EPHA8: variants seen among roughly 807,000 people sequenced by gnomAD.
EPHA8 encodes the protein ephrin type-A receptor 8.
In EPHA8, 58 loss-of-function variants were observed where a neutral mutation model predicts 103.6. The ratio of observed to expected loss-of-function variants is 0.56; its 90% CI spans 0.45 to 0.70. The LOEUF (loss-of-function observed/expected upper bound fraction) is 0.70, where lower values mean the gene tolerates loss of function less well. Ranked by LOEUF, EPHA8 falls within the 30% of genes least tolerant of loss-of-function variation. EPHA8 has a pLI of 0.00. For synonymous variants in EPHA8, 559 were observed against 572.5 expected (o/e 0.98, Z 0.34); for missense variants, 1,304 against 1,395.2 (o/e 0.93, Z 1.04).
Position 22,597,152 on chromosome 1 carries a change from C to G in EPHA8, c.1766-160C>G, listed in dbSNP as rs1641539769. Among the ~76,000 whole-genome samples, 1 of 152,270 alleles carries G rather than the reference C, an allele frequency of 6.6e-6. No individual in the cohort carries two copies. The highest frequency in any genetic ancestry group is 2.4e-5 in the African/African-American group (1 of 41,540). On this transcript the variant is annotated intron_variant, in intron 9 of 16. Coordinates refer to ENST00000166244, the MANE Select transcript of EPHA8 (RefSeq NM_020526.5). The surrounding 1 kb of genome is among the most constrained non-coding windows in gnomAD (Gnocchi z 4.6). ...AGAGCGACTCCAGAGACCCCACTTT[C>G]ACTTGGGAAATACTTATGGGGTGCG... is the stretch of plus-strand genomic sequence containing the variant.
Position 22,589,143 on chromosome 1 carries a change from G to GT in EPHA8, c.1253dup (p.Ser419ValfsTer56). ...CTTCTGGATCGAGGCCGTCAATGGC[G>GT]TGTCCGACCTGAGCCCCGAGCCCCG... On this transcript the variant is annotated frameshift_variant, in exon 5 of 17. Transcript: ENST00000166244. LOFTEE classifies it high-confidence loss of function. The surrounding 1 kb of genome is among the most constrained non-coding windows in gnomAD (Gnocchi z 4.3). The GT allele has an allele frequency of 6.2e-7, 1 of 1,613,852 alleles. No individual in the cohort carries two copies. Among genetic ancestry groups the GT allele is most frequent in the Non-Finnish European group, 8.5e-7 (1 of 1,179,982 alleles).
At chr1:22,601,547 G>A in intron 16 of EPHA8, 74 bp downstream of exon 16, 2 of 1,598,022 alleles carry the variant, frequency 1.3e-6, no homozygotes, top group Non-Finnish European at 1.7e-6. Flanking sequence ...GAGGCTACAG[G>A]TCCAGATCCA....
intron 3 of EPHA8, among the ~76,000 whole-genome samples, chr1:22,577,995 ACACCTGTGTGTGCAT>A (rs1640788212): frequency 0.01 from 1 of 98 alleles, no homozygotes; most frequent in Non-Finnish European, 0.019. Flanking sequence ...GTGTGCATGT[ACACCTGTGTGTGCAT>A]GTGTATGTGT....
intron 16 of EPHA8, 43 bp downstream of exon 16, chr1:22,601,516 G>GT (rs1557586446): frequency 2.0e-6 from 2 of 985,392 alleles, no homozygotes; most frequent in African/African-American, 3.9e-5. Flanking sequence ...TGTGGGGGCA[G>GT]GGGGGGGGAC....
rs142397424 is a variant in EPHA8 at position 22,589,160 on chromosome 1, C to A, written c.1269C>A (p.Pro423=). ...EAVNGVSDLS[P]EPRRAAVVNI... ...TCAATGGCGTGTCCGACCTGAGCCC[C>A]GAGCCCCGCCGGGCCGCTGTGGTCA... Residue 423 remains proline (P), a synonymous_variant, in exon 5 of 17, where the codon CCC becomes CCA. Coordinates refer to ENST00000166244, the MANE Select transcript of EPHA8 (RefSeq NM_020526.5). The surrounding 1 kb of genome is among the most constrained non-coding windows in gnomAD (Gnocchi z 4.3). 6.2e-7 allele frequency: 1 copy of A among 1,613,822 alleles called. No homozygotes were observed. Among genetic ancestry groups the A allele is most frequent in the Non-Finnish European group, 8.5e-7 (1 of 1,179,964 alleles).
At chr1:22,579,347 A>G (rs1020031239) in intron 3 of EPHA8, among the ~76,000 whole-genome samples, 1 of 133,636 alleles carries the variant, frequency 7.5e-6, no homozygotes, top group African/African-American at 3.3e-5. Flanking sequence ...GCATGAGTGT[A>G]TGTATGCGTG....
At position 22,598,609 on chromosome 1, in the gene EPHA8, ATGGGTAAG is replaced by A. The variant is rs1417512815; in HGVS notation, c.2179-228_2179-221del. Among the ~76,000 whole-genome samples, 2 of 152,108 alleles carry A rather than the reference ATGGGTAAG, an allele frequency of 1.3e-5. No homozygotes were observed. The highest frequency in any genetic ancestry group is 4.8e-5 in the African/African-American group (2 of 41,428). On this transcript the variant is annotated intron_variant, in intron 12 of 16. Coordinates refer to ENST00000166244, the MANE Select transcript of EPHA8 (RefSeq NM_020526.5). The surrounding 1 kb of genome is among the most constrained non-coding windows in gnomAD (Gnocchi z 5.1). The stretch of plus-strand genomic sequence containing the variant: ...GGGCCTCCATCTCTCGTTCCACAAA[ATGGGTAAG>A]CAGTCATTGCTGCCCCACGTACCTC...
intron 1 of EPHA8, among the ~76,000 whole-genome samples, chr1:22,566,372 A>G (rs2124505902): frequency 6.6e-6 from 1 of 152,352 alleles, no homozygotes; most frequent in African/African-American, 2.4e-5. Context: ...GCGAAATGGA[A>G]TGGGGGAAGG....
chr1:22,579,608 G>A (rs1375133042), intron 3 of EPHA8, among the ~76,000 whole-genome samples: 1 of 152,186 alleles, frequency 6.6e-6, no homozygotes, highest in African/African-American at 2.4e-5. Context: ...GCTGTTCCTG[G>A]TCTTGGCCAG....
rs187814118 is a variant in EPHA8 at position 22,576,595 on chromosome 1, G to T, written c.538G>T (p.Gly180Cys). 1 of 1,614,048 alleles carries T rather than the reference G, an allele frequency of 6.2e-7. No homozygotes were observed. Among genetic ancestry groups the T allele is most frequent in the African/African-American group, 1.3e-5 (1 of 75,034 alleles). Residue 180 changes from glycine to cysteine, a missense_variant, in exon 3 of 17, where the codon GGC becomes TGC. Coordinates refer to ENST00000166244, the MANE Select transcript of EPHA8 (RefSeq NM_020526.5). This position sits in a 1 kb window ranked among gnomAD's most constrained non-coding sequence, Gnocchi z 4.8. The stretch of plus-strand genomic sequence containing the variant: ...CAGTGTGGGTCCCCTCAGCAAGCGC[G>T]GCTTCTACCTGGCCTTCCAGGACAT... ...VRSVGPLSKR[G>C]FYLAFQDIGA...
chr1:22,577,671 G>A (rs1260739487), intron 3 of EPHA8, among the ~76,000 whole-genome samples: 4 of 152,132 alleles, frequency 2.6e-5, no homozygotes, highest in African/African-American at 9.7e-5. Context: ...CCATGACTTA[G>A]GGTGGCAGCT....
Position 22,598,788 on chromosome 1 carries a change from C to T in EPHA8, c.2179-50C>T. The stretch of plus-strand genomic sequence containing the variant: ...GATGGGAGGTGTTCCTGTTCACGGA[C>T]CAGGCGCCTCGCCGGGCTTTCCTGA... On this transcript the variant is annotated intron_variant, in intron 12 of 16. Transcript: ENST00000166244. The surrounding 1 kb of genome is among the most constrained non-coding windows in gnomAD (Gnocchi z 5.1). The T allele has an allele frequency of 6.3e-7, 1 of 1,583,416 alleles. No homozygotes were observed. The highest frequency in any genetic ancestry group is 8.6e-7 in the Non-Finnish European group (1 of 1,159,556).
Position 22,569,235 on chromosome 1 carries a change from G to A in EPHA8, c.95-54G>A. On this transcript the variant is annotated intron_variant, in intron 1 of 16. Coordinates refer to ENST00000166244, the MANE Select transcript of EPHA8 (RefSeq NM_020526.5). The surrounding 1 kb of genome is among the most constrained non-coding windows in gnomAD (Gnocchi z 4.5). ...TGTAGCTGGGTCAGGCTGCTCTTGA[G>A]GAGCTGGGGAGAAGTCAGAGGGGCC... 6.3e-7 allele frequency: 1 copy of A among 1,594,796 alleles called. No homozygotes were observed. The highest frequency in any genetic ancestry group is 8.6e-7 in the Non-Finnish European group (1 of 1,163,530).
chr1:22,595,222 C>A lies in EPHA8; in HGVS notation c.1604-8C>A. On this transcript the variant is annotated splice_polypyrimidine_tract_variant and splice_region_variant and intron_variant, in intron 7 of 16. Transcript: ENST00000166244. The stretch of plus-strand genomic sequence containing the variant: ...GCCTGGTCCCCCAACCCTGGCTTTC[C>A]CCTGCAGGGCCCCGCTATGACACCA... 1 of 1,604,628 alleles carries A rather than the reference C, an allele frequency of 6.2e-7. No individual in the cohort carries two copies. Among genetic ancestry groups the A allele is most frequent in the Non-Finnish European group, 8.5e-7 (1 of 1,173,364 alleles).
At chr1:22,575,489 T>G (rs1640659993) in intron 2 of EPHA8, among the ~76,000 whole-genome samples, 1 of 152,228 alleles carries the variant, frequency 6.6e-6, no homozygotes, top group South Asian at 2.1e-4. Context: ...TTCTGGATAT[T>G]AATCCCTTAT....
chr1:22,601,119 C>G (rs752226774), intron 15 of EPHA8, 31 bp downstream of exon 15: 52 of 1,581,646 alleles, frequency 3.3e-5, no homozygotes, highest in Non-Finnish European at 4.4e-5. Context: ...CTCCTTGAGG[C>G]CCAGCTGCCT....
At chr1:22,580,480 A>G (rs899483500) in intron 3 of EPHA8, among the ~76,000 whole-genome samples, 4 of 151,778 alleles carry the variant, frequency 2.6e-5, no homozygotes, top group Non-Finnish European at 5.9e-5. Context: ...CACATCCCCA[A>G]TTTCTATGAG....
In EPHA8 at chr1:22,597,819, G is replaced by T. The variant is rs763837839; in HGVS notation, c.2074G>T (p.Asp692Tyr). The change falls in exon 11 of 17, where the codon GAC becomes TAC. Residue 692 changes from aspartate (D) to tyrosine (Y), a missense_variant. By Grantham distance (160) the Asp-to-Tyr change is radical. Transcript: ENST00000166244. The surrounding 1 kb of genome is among the most constrained non-coding windows in gnomAD (Gnocchi z 4.6). ...LSEASIMGQF[D>Y]HPNIIRLEGV... is the part of the protein sequence containing the mutation. ...CGAGGCGTCCATCATGGGGCAATTC[G>T]ACCATCCCAACATCATCCGCCTCGA... 6.2e-7 allele frequency: 1 copy of T among 1,612,990 alleles called. No homozygotes were observed.
At position 22,597,855 on chromosome 1, in the gene EPHA8, ACCC is replaced by A; in HGVS notation, c.2111_2113del (p.Thr704_Arg705delinsSer). 1 of 1,607,724 alleles carries A rather than the reference ACCC, an allele frequency of 6.2e-7. No individual in the cohort carries two copies. Among genetic ancestry groups the A allele is most frequent in the African/African-American group, 1.3e-5 (1 of 74,946 alleles). ...CATCATCCGCCTCGAGGGTGTCGTC[ACCC>A]GTGGTAGGTGCCGGGCAAAGACAGC... On this transcript the variant is annotated inframe_deletion, in exon 11 of 17. Transcript: ENST00000166244. The surrounding 1 kb of genome is among the most constrained non-coding windows in gnomAD (Gnocchi z 4.6).
Sources: allele counts gnomAD v4.1 joint callset (sites outside exome capture counted in the v4.1 genomes callset), GRCh38; gene constraint gnomAD v4.1.1; non-coding constraint Gnocchi (gnomAD v3.1); transcripts MANE v1.5; gene names NCBI Gene and HGNC (gene_info 2026-07-23, HGNC 2026-07-21).